Variants in PKIG observed in about 807,000 individuals in gnomAD.
PKIG encodes cAMP-dependent protein kinase inhibitor gamma.
PKIG carries 1 observed loss-of-function variant against 6.8 expected under a neutral mutation model. The ratio of observed to expected loss-of-function variants is 0.15; its 90% CI spans 0.05 to 0.69. PKIG has a LOEUF of 0.69. Among genes scored for constraint, PKIG ranks in the 30% least tolerant of loss-of-function variants. PKIG has a pLI of 0.82. For missense variants in PKIG, 77 were observed against 104.0 expected, an observed-to-expected ratio of 0.74 and a Z score of 1.13; for synonymous variants, 39 against 43.0, an observed-to-expected ratio of 0.91 and a Z score of 0.36.
At chr20:44,545,431 G>A (rs773042308) in intron 1 of PKIG, among the ~76,000 whole-genome samples, 2 of 152,100 alleles carry the variant, frequency 1.3e-5, no homozygotes, top group Non-Finnish European at 2.9e-5. Context: ...TAAGTTGAAT[G>A]TGCTTACCTG....
At chr20:44,592,667 GGACACT>G (rs2065042781) in intron 2 of PKIG, among the ~76,000 whole-genome samples, 2 of 152,130 alleles carry the variant, frequency 1.3e-5, no homozygotes, top group Admixed American at 1.3e-4. Context: ...GGTTTACCGT[GGACACT>G]GAAGTCACTC....
At chr20:44,558,701 T>C (rs2064741466) in intron 1 of PKIG, among the ~76,000 whole-genome samples, 2 of 151,036 alleles carry the variant, frequency 1.3e-5, no homozygotes, top group Admixed American at 6.6e-5. Flanking sequence ...TTCTCTCTCT[T>C]CTCTTTCTTT....
chr20:44,580,960 C>A (rs1203418652), upstream of PKIG, among the ~76,000 whole-genome samples: 1 of 152,134 alleles, frequency 6.6e-6, no homozygotes, highest in South Asian at 2.1e-4. Context: ...TTGCTTCAGG[C>A]CACACAGGAT....
chr20:44,612,361 T>C (rs900547056), intron 2 of PKIG, among the ~76,000 whole-genome samples: 1 of 151,706 alleles, frequency 6.6e-6, no homozygotes, highest in African/African-American at 2.4e-5. Flanking sequence ...TTTGCCTGAG[T>C]GGGTCTAGAA....
At chr20:44,599,009 A>G (rs969522768) in intron 2 of PKIG, 1 of 152,204 alleles carries the variant, frequency 6.6e-6, no homozygotes, top group Non-Finnish European at 1.5e-5. Flanking sequence ...CATCACTGAA[A>G]AGATTCTGAA....
chr20:44,532,416 A>C (rs1404499481), intron 1 of PKIG, among the ~76,000 whole-genome samples: 1 of 152,218 alleles, frequency 6.6e-6, no homozygotes, highest in Non-Finnish European at 1.5e-5. Context: ...TTTATATTTA[A>C]AATTCGTGGA....
chr20:44,581,728 T>A (rs1440445123), upstream of PKIG, among the ~76,000 whole-genome samples: 1 of 152,222 alleles, frequency 6.6e-6, no homozygotes, highest in Non-Finnish European at 1.5e-5. Flanking sequence ...AATCTGTTCA[T>A]CTCCTTCATA....
At position 44,534,500 on chromosome 20, in the gene PKIG, A is replaced by T. The variant is rs1470631650; in HGVS notation, c.-241+2522A>T. On this transcript the variant is annotated intron_variant, in intron 1 of 4. Transcript: ENST00000372887. The stretch of plus-strand genomic sequence containing the variant: ...TTTTTTTTTTTTGGGACAGGGTATC[A>T]CTCTGTCGCCCATGCTGGAGTGTAG... Among the ~76,000 whole-genome samples, 7 of 149,258 alleles carry T rather than the reference A, an allele frequency of 4.7e-5. No homozygotes were observed. In the South Asian group the frequency reaches 1.3e-3, roughly 27 times the overall value.
chr20:44,558,789 T>C (rs1233432806), intron 1 of PKIG, among the ~76,000 whole-genome samples: 6 of 151,664 alleles, frequency 4.0e-5, no homozygotes, highest in Non-Finnish European at 7.4e-5. Flanking sequence ...TCTTGCTCTG[T>C]TGCCCAGGCT....
intron 2 of PKIG, among the ~76,000 whole-genome samples, chr20:44,611,767 C>T (rs900702360): frequency 8.5e-5 from 13 of 152,048 alleles, no homozygotes; most frequent in African/African-American, 1.7e-4. Context: ...GATCCACCCG[C>T]CTCGGCCTCC....
At chr20:44,618,168 G>C (rs113208950) in intron 3 of PKIG, 117 bp from the exon 4 acceptor site, 29 of 726,850 alleles carry the variant, frequency 4.0e-5, no homozygotes, top group Non-Finnish European at 6.3e-5. Context: ...GCTCCAGCTC[G>C]TCTTGCTCCC....
intron 1 of PKIG, among the ~76,000 whole-genome samples, chr20:44,572,018 T>A (rs555357462): frequency 6.6e-6 from 1 of 152,338 alleles, no homozygotes; most frequent in East Asian, 1.9e-4. Context: ...TGTTTGTTTG[T>A]TTTGAGACGG....
intron 1 of PKIG, among the ~76,000 whole-genome samples, chr20:44,575,088 A>G (rs554225856): frequency 6.6e-6 from 1 of 150,722 alleles, no homozygotes; most frequent in East Asian, 2.0e-4. Context: ...GTCTCGCTCT[A>G]TTGCCCAGGC....
chr20:44,579,710 C>T (rs1485397172), upstream of PKIG, among the ~76,000 whole-genome samples: 1 of 152,162 alleles, frequency 6.6e-6, no homozygotes, highest in Non-Finnish European at 1.5e-5. Flanking sequence ...TTCTGTCTTC[C>T]GGGATTCTGT....
At chr20:44,540,264 T>G (rs1211073479) in intron 1 of PKIG, among the ~76,000 whole-genome samples, 1 of 152,016 alleles carries the variant, frequency 6.6e-6, no homozygotes, top group Non-Finnish European at 1.5e-5. Context: ...CCTGGCCCAG[T>G]TTTTCCAATA....
intron 2 of PKIG, among the ~76,000 whole-genome samples, chr20:44,610,268 G>A (rs1203265363): frequency 6.6e-6 from 1 of 152,164 alleles, no homozygotes; most frequent in Non-Finnish European, 1.5e-5. Context: ...TCTTGCCCAG[G>A]GTTAGGTGGC....
At chr20:44,552,725 C>G (rs528216585) in intron 1 of PKIG, among the ~76,000 whole-genome samples, 1 of 152,192 alleles carries the variant, frequency 6.6e-6, no homozygotes, top group Non-Finnish European at 1.5e-5. Context: ...TTGTATGAAG[C>G]CTAGCAGAGT....
At chr20:44,579,884 ACAC>A (rs1244576208), upstream of PKIG, among the ~76,000 whole-genome samples, 5 of 152,278 alleles carry the variant, frequency 3.3e-5, no homozygotes, top group East Asian at 9.6e-4. Flanking sequence ...TCATTTCCTG[ACAC>A]CTACTCAGTC....
chr20:44,613,356 T>G (rs2065236231), intron 2 of PKIG, among the ~76,000 whole-genome samples: 1 of 152,026 alleles, frequency 6.6e-6, no homozygotes, highest in African/African-American at 2.4e-5. Context: ...TTAGTAGAGA[T>G]GGGATTTCAC....
Sources: gnomAD v4.1 joint callset for allele counts (sites outside exome capture counted in the v4.1 genomes callset) on GRCh38, gnomAD v4.1.1 for gene constraint, MANE v1.5 for transcripts, NCBI Gene and HGNC (gene_info 2026-07-23, HGNC 2026-07-21) for gene names.